HIPK3: variants seen among roughly 807,000 people sequenced by gnomAD.
HIPK3 encodes homeodomain interacting protein kinase 3, also known as homeodomain-interacting protein kinase 3.
Under a neutral mutation model 124.2 loss-of-function variants are expected in HIPK3, and 47 were observed. The observed-to-expected ratio is 0.38, with a 90% CI of 0.30 to 0.48. The LOEUF (loss-of-function observed/expected upper bound fraction) is 0.48. Ranked by LOEUF, HIPK3 falls within the 20% of genes least tolerant of loss-of-function variation. The probability of loss-of-function intolerance (pLI) is 0.98; values close to 1 mark genes in which losing one functional copy is unlikely to be tolerated. For synonymous variants in HIPK3, 482 were observed against 515.2 expected, an observed-to-expected ratio of 0.94 and a Z score of 0.87; for missense variants, 1,286 against 1,454.3, an observed-to-expected ratio of 0.88 and a Z score of 1.88.
chr11:33,301,036 G>T (rs746676550), intron 2 of HIPK3, among the ~76,000 whole-genome samples: 1 of 152,082 alleles, frequency 6.6e-6, no homozygotes, highest in Non-Finnish European at 1.5e-5. Flanking sequence ...ATGTCTATCT[G>T]TTTGTATATT....
intron 1 of HIPK3, among the ~76,000 whole-genome samples, chr11:33,260,763 C>G (rs1286721352): frequency 1.3e-5 from 2 of 152,110 alleles, no homozygotes; most frequent in Non-Finnish European, 2.9e-5. Context: ...AAATATCCTT[C>G]CAGAAGTTGT....
intron 2 of HIPK3, among the ~76,000 whole-genome samples, chr11:33,295,540 G>A (rs546377833): frequency 6.6e-6 from 1 of 152,224 alleles, no homozygotes; most frequent in South Asian, 2.1e-4. Context: ...CGGAGTCAGC[G>A]CACCTGCGCA....
chr11:33,348,435 C>G (rs527300118), intron 12 of HIPK3, 87 bp from the exon 13 acceptor site: 1 of 1,186,414 alleles, frequency 8.4e-7, no homozygotes, highest in East Asian at 2.6e-5. Context: ...AGTGAAGGTT[C>G]TCATTTTCTG....
chr11:33,285,255 G>C (rs1851516200), intron 1 of HIPK3, among the ~76,000 whole-genome samples: 1 of 152,082 alleles, frequency 6.6e-6, no homozygotes, highest in African/African-American at 2.4e-5. Context: ...ACCTTAGAAT[G>C]ATTTTAAATC....
intron 12 of HIPK3, 22 bp downstream of exon 12, chr11:33,348,250 T>A: frequency 6.3e-7 from 1 of 1,594,872 alleles, no homozygotes; most frequent in South Asian, 1.1e-5. Context: ...TTTATTGCCC[T>A]TTTGATTTAT....
chr11:33,305,509 C>T (rs1259872666), intron 2 of HIPK3, among the ~76,000 whole-genome samples: 2 of 152,172 alleles, frequency 1.3e-5, no homozygotes. Flanking sequence ...TACTCTGACA[C>T]CAACCATAAT....
chr11:33,334,249 G>A (rs187539259), intron 3 of HIPK3, among the ~76,000 whole-genome samples: 26 of 152,292 alleles, frequency 1.7e-4, no homozygotes, highest in Non-Finnish European at 1.3e-4. Context: ...ATAGCACAGA[G>A]TAGAGTAATT....
chr11:33,321,557 G>A (rs538714356), intron 2 of HIPK3, among the ~76,000 whole-genome samples: 2 of 152,286 alleles, frequency 1.3e-5, no homozygotes, highest in African/African-American at 4.8e-5. Flanking sequence ...ACTGACAGCT[G>A]CAAGTGGTCT....
At chr11:33,293,490 T>C (rs1851755785) in intron 2 of HIPK3, among the ~76,000 whole-genome samples, 1 of 149,786 alleles carries the variant, frequency 6.7e-6, no homozygotes. Flanking sequence ...TCATCTATTC[T>C]GGACATGTCA....
chr11:33,285,511 C>T (rs917726860), intron 1 of HIPK3, among the ~76,000 whole-genome samples: 2 of 151,216 alleles, frequency 1.3e-5, no homozygotes, highest in Non-Finnish European at 2.9e-5. Flanking sequence ...ATGAAATTGG[C>T]ACCCTAATTT....
At chr11:33,275,461 C>T (rs1273389701) in intron 1 of HIPK3, among the ~76,000 whole-genome samples, 4 of 151,840 alleles carry the variant, frequency 2.6e-5, no homozygotes, top group Non-Finnish European at 5.9e-5. Flanking sequence ...ATTTACTGTT[C>T]ATACTACCAA....
chr11:33,269,603 A>G (rs554002570), intron 1 of HIPK3, among the ~76,000 whole-genome samples: 7 of 151,708 alleles, frequency 4.6e-5, no homozygotes, highest in African/African-American at 1.7e-4. Flanking sequence ...GTGCCTCTTC[A>G]AGTCTAGGGT....
intron 2 of HIPK3, among the ~76,000 whole-genome samples, chr11:33,326,265 C>A (rs1029696050): frequency 2.0e-5 from 3 of 152,048 alleles, no homozygotes; most frequent in Admixed American, 6.6e-5. Context: ...AAGTCTAATC[C>A]CCAGGGTTTC....
At chr11:33,324,758 T>C (rs1852762682) in intron 2 of HIPK3, among the ~76,000 whole-genome samples, 1 of 152,210 alleles carries the variant, frequency 6.6e-6, no homozygotes, top group African/African-American at 2.4e-5. Context: ...TATTGGCCTA[T>C]CCGAGACTTT....
At chr11:33,264,641 C>G (rs1403784883) in intron 1 of HIPK3, among the ~76,000 whole-genome samples, 1 of 152,146 alleles carries the variant, frequency 6.6e-6, no homozygotes, top group Non-Finnish European at 1.5e-5. Context: ...TTTGGCTAGA[C>G]AGTTATTTTA....
intron 2 of HIPK3, among the ~76,000 whole-genome samples, chr11:33,299,433 C>G (rs1346192385): frequency 6.6e-6 from 1 of 151,736 alleles, no homozygotes; most frequent in Non-Finnish European, 1.5e-5. Flanking sequence ...GATCATGCCA[C>G]TGCAATTCCA....
intron 1 of HIPK3, among the ~76,000 whole-genome samples, chr11:33,271,440 C>T (rs1184899797): frequency 6.6e-6 from 1 of 152,008 alleles, no homozygotes; most frequent in African/African-American, 2.4e-5. Context: ...GTGGCATGAG[C>T]CTGTAATCAC....
chr11:33,312,168 A>G (rs1421860538), intron 2 of HIPK3, among the ~76,000 whole-genome samples: 1 of 152,060 alleles, frequency 6.6e-6, no homozygotes, highest in Non-Finnish European at 1.5e-5. Flanking sequence ...ACACACAGCT[A>G]TTTTTATGTG....
chr11:33,308,826 G>T (rs1444665282), intron 2 of HIPK3, among the ~76,000 whole-genome samples: 2 of 147,826 alleles, frequency 1.4e-5, no homozygotes, highest in South Asian at 4.3e-4. Flanking sequence ...AAAATGATCT[G>T]TATATTTCTG....
Sources: allele counts gnomAD v4.1 joint callset (sites outside exome capture counted in the v4.1 genomes callset), GRCh38; gene constraint gnomAD v4.1.1; transcripts MANE v1.5; gene names NCBI Gene and HGNC (gene_info 2026-07-23, HGNC 2026-07-21).